BPTF: variants seen among roughly 807,000 people sequenced by gnomAD.
BPTF encodes the protein nucleosome-remodeling factor subunit BPTF.
A neutral mutation model predicts 292.5 loss-of-function variants in BPTF; 18 were observed. That is an observed-to-expected ratio of 0.06 (90% confidence interval 0.04 to 0.09). The LOEUF is 0.09. Among genes scored for constraint, BPTF ranks in the 10% least tolerant of loss-of-function variants. The pLI, the probability that BPTF is intolerant of heterozygous loss-of-function variation, is 1.00. For synonymous variants in BPTF, 1,225 were observed against 1,251.9 expected (o/e 0.98, Z 0.45); for missense variants, 2,726 against 3,498.7 (o/e 0.78, Z 5.57).
At chr17:67,964,722 C>A (rs531056352) in intron 25 of BPTF, among the ~76,000 whole-genome samples, 1 of 152,064 alleles carries the variant, frequency 6.6e-6, no homozygotes, top group Admixed American at 6.6e-5. Flanking sequence ...TGTTCTTGGC[C>A]GGGCATGGTG....
Position 67,918,857 on chromosome 17 carries a change from AT to A in BPTF, c.5428+23del. ...CGGACAGGTAAGGGGGAAGGGAGTT[AT>A]TTTCTAATTTAAGTTTAAAAGCTAA... On this transcript the variant is annotated intron_variant, in intron 12 of 27. Transcript: ENST00000306378. The A allele has an allele frequency of 6.2e-7, 1 of 1,609,598 alleles. No individual in the cohort carries two copies. Among genetic ancestry groups the A allele is most frequent in the Non-Finnish European group, 8.5e-7 (1 of 1,177,172 alleles).
chr17:67,939,735 T>C (rs1203403029), intron 18 of BPTF, among the ~76,000 whole-genome samples: 2 of 152,036 alleles, frequency 1.3e-5, no homozygotes, highest in Admixed American at 6.6e-5. Context: ...AAAAAATTAG[T>C]CGGGTGTGGT....
At chr17:67,979,269 CG>C in intron 27 of BPTF, among the ~76,000 whole-genome samples, 1 of 150,472 alleles carries the variant, frequency 6.6e-6, no homozygotes, top group South Asian at 2.1e-4. Context: ...GACATTGGGC[CG>C]GGCACGGTGG....
intron 4 of BPTF, among the ~76,000 whole-genome samples, chr17:67,891,190 GA>G (rs945738639): frequency 6.1e-5 from 9 of 148,636 alleles, no homozygotes; most frequent in South Asian, 2.1e-4. Context: ...TCAAAAAAAA[GA>G]AAAAAAAAAT....
rs1483296346 is a variant in BPTF, at chr17:67,983,237, A to C, written c.*949A>C. On this transcript the variant is annotated 3_prime_UTR_variant, in exon 28 of 28. Coordinates refer to ENST00000306378, the MANE Select transcript of BPTF (RefSeq NM_182641.4). ...GGCCTGCAAGGTCATGAAAGGCAGA[A>C]GAGTCTAATTGTGCCTGGATTTCTC... is the stretch of plus-strand genomic sequence containing the variant. 1 of 152,640 alleles carries C rather than the reference A, an allele frequency of 6.6e-6. No individual in the cohort carries two copies. The highest frequency in any genetic ancestry group is 1.5e-5 in the Non-Finnish European group (1 of 68,036). 9.5% of individuals were successfully genotyped at this position (152,640 alleles called of 1,614,324 possible).
intron 7 of BPTF, among the ~76,000 whole-genome samples, chr17:67,897,372 GTAAA>G (rs1299964390): frequency 1.2e-5 from 1 of 80,840 alleles, no homozygotes; most frequent in Non-Finnish European, 2.6e-5. Flanking sequence ...AAAAAAAAAA[GTAAA>G]GAAAGAGACA....
chr17:67,939,311 G>T (rs2065176159), intron 18 of BPTF, among the ~76,000 whole-genome samples: 1 of 152,116 alleles, frequency 6.6e-6, no homozygotes, highest in African/African-American at 2.4e-5. Flanking sequence ...GAAACACAAA[G>T]ATATATATGT....
intron 11 of BPTF, among the ~76,000 whole-genome samples, chr17:67,913,677 CTG>C (rs762464973): frequency 6.6e-6 from 1 of 152,216 alleles, no homozygotes; most frequent in East Asian, 1.9e-4. Context: ...TTGGAGTTCT[CTG>C]TTATTTATGT....
intron 26 of BPTF, 131 bp from the exon 27 acceptor site, chr17:67,975,641 C>T: frequency 2.9e-6 from 2 of 686,160 alleles, no homozygotes; most frequent in Admixed American, 3.6e-5. Flanking sequence ...GCAAAATAAC[C>T]TCCAGGGTGA....
Position 67,891,991 on chromosome 17 carries a change from C to T in BPTF, c.2012C>T (p.Ala671Val). Residue 671 changes from alanine (A) to valine (V), a missense_variant, in exon 5 of 28, where the codon GCC becomes GTC. By Grantham distance (64) the Ala-to-Val change is moderately conservative. This residue lies in a region of BPTF where 63 missense variants were observed against 84.1 expected (regional missense o/e 0.75). Coordinates refer to ENST00000306378, the MANE Select transcript of BPTF (RefSeq NM_182641.4). ...LSQLKSQQVA[A>V]AAHEANKLFK... ...CAGCTGAAGAGCCAGCAGGTGGCAG[C>T]CGCTGCACATGAAGCAAATAAATTA... The T allele has an allele frequency of 6.2e-7, 1 of 1,607,350 alleles. No homozygotes were observed. The highest frequency in any genetic ancestry group is 1.1e-5 in the South Asian group (1 of 89,836).
At chr17:67,850,398 A>T (rs999824781) in intron 1 of BPTF, among the ~76,000 whole-genome samples, 42 of 152,070 alleles carry the variant, frequency 2.8e-4, no homozygotes, top group Admixed American at 7.9e-4. Context: ...TCTGAGACAG[A>T]GTCTCGCTCT....
chr17:67,964,512 C>A, intron 25 of BPTF, 108 bp downstream of exon 25: 1 of 1,310,340 alleles, frequency 7.6e-7, no homozygotes, highest in Non-Finnish European at 1.0e-6. Context: ...TTTACTGACT[C>A]CCAGCTAGTC....
At chr17:67,883,899 C>T (rs375693144) in intron 4 of BPTF, among the ~76,000 whole-genome samples, 56 of 152,222 alleles carry the variant, frequency 3.7e-4, no homozygotes, top group South Asian at 2.3e-3. Context: ...GCGCCCGGCT[C>T]GTTTTGTTTT....
At position 67,975,928 on chromosome 17, in the gene BPTF, T is replaced by G; in HGVS notation, c.8696T>G (p.Val2899Gly). Reference protein sequence around the residue: ...QCAEVLESFFVQKLKGFKASR... With the variant: ...QCAEVLESFFGQKLKGFKASR... Reference sequence around the variant, plus strand: ...GCAGAAGTTCTCGAATCATTCTTTGTACAGAAATTGAAAGGCTTCAAAGCT... The same window carrying G: ...GCAGAAGTTCTCGAATCATTCTTTGGACAGAAATTGAAAGGCTTCAAAGCT... Residue 2899 changes from valine (V) to glycine (G), a missense_variant, in exon 27 of 28, where the codon GTA (valine) becomes GGA (glycine). Transcript: ENST00000306378. 1 of 1,612,120 alleles carries G rather than the reference T, an allele frequency of 6.2e-7. No homozygotes were observed. The highest frequency in any genetic ancestry group is 8.5e-7 in the Non-Finnish European group (1 of 1,179,510).
At chr17:67,903,694 G>A (rs986329743) in intron 7 of BPTF, 95 bp from the exon 8 acceptor site, 4 of 1,175,392 alleles carry the variant, frequency 3.4e-6, no homozygotes, top group Non-Finnish European at 4.6e-6. Context: ...GATTATAACA[G>A]TCTGCTTTGT....
intron 15 of BPTF, among the ~76,000 whole-genome samples, chr17:67,926,471 C>A (rs1285339521): frequency 1.3e-5 from 2 of 151,498 alleles, no homozygotes; most frequent in African/African-American, 4.9e-5. Flanking sequence ...ACTATAGGCG[C>A]CCGCCACCAC....
intron 2 of BPTF, among the ~76,000 whole-genome samples, chr17:67,861,978 G>A (rs1395779656): frequency 6.6e-6 from 1 of 151,842 alleles, no homozygotes; most frequent in East Asian, 1.9e-4. Flanking sequence ...TAGTTTTTTT[G>A]TTTTGTTTTG....
intron 20 of BPTF, among the ~76,000 whole-genome samples, chr17:67,945,075 G>T (rs1313816793): frequency 6.6e-6 from 1 of 151,928 alleles, no homozygotes; most frequent in Non-Finnish European, 1.5e-5. Context: ...TTGCTCTGTC[G>T]CCCAGGCTGA....
intron 7 of BPTF, among the ~76,000 whole-genome samples, chr17:67,895,081 G>T (rs2061351519): frequency 6.6e-6 from 1 of 151,918 alleles, no homozygotes; most frequent in Non-Finnish European, 1.5e-5. Context: ...CACTCCAAAG[G>T]CATAGCCCTA....
Sources: gnomAD v4.1 joint callset for allele counts (sites outside exome capture counted in the v4.1 genomes callset) on GRCh38, gnomAD v4.1.1 for gene constraint, gnomAD v4.1.1 regional missense constraint, MANE v1.5 for transcripts, NCBI Gene and HGNC (gene_info 2026-07-23, HGNC 2026-07-21) for gene names.